The following B3GALT1 variants were observed in gnomAD, a reference collection of about 807,000 sequenced individuals.
The protein encoded by B3GALT1 is beta-1,3-galactosyltransferase 1.
In B3GALT1, 10 loss-of-function variants were observed where a neutral mutation model predicts 23.2. That is an observed-to-expected ratio of 0.43 (90% CI 0.27 to 0.73). B3GALT1 has a LOEUF of 0.73. B3GALT1 is among the 30% of genes least tolerant of loss of function. The pLI, the probability that B3GALT1 is intolerant of heterozygous loss-of-function variation, is 0.21. For missense variants in B3GALT1, 299 were observed against 405.4 expected (o/e 0.74, Z 2.25); for synonymous variants, 156 against 141.5 (o/e 1.10, Z -0.73).
intron 3 of B3GALT1, among the ~76,000 whole-genome samples, chr2:167,804,274 G>A (rs1016846286): frequency 6.6e-6 from 1 of 151,896 alleles, no homozygotes; most frequent in Non-Finnish European, 1.5e-5. Context: ...ACAGGCATGA[G>A]CCACCATGCC....
intron 1 of B3GALT1, among the ~76,000 whole-genome samples, chr2:167,385,266 T>C (rs1001360338): frequency 6.6e-6 from 1 of 152,126 alleles, no homozygotes; most frequent in Non-Finnish European, 1.5e-5. Context: ...CAACTCTCTT[T>C]TAACATTCTG....
At position 167,870,067 on chromosome 2, in the gene B3GALT1, G is replaced by A. The variant is rs568000916; in HGVS notation, c.*47G>A. The A allele has an allele frequency of 2.5e-5, 37 of 1,507,010 alleles. No individual in the cohort carries two copies. In the South Asian group the frequency reaches 4.6e-4, roughly 19 times the overall value. 93.4% of individuals were successfully genotyped at this position (1,507,010 alleles called of 1,614,324 possible). ...GTTTCTTTTCTTTTTTTAAGAAATG[G>A]GACCTAAGGTGTTGGTATTTTCCAG... On this transcript the variant is annotated 3_prime_UTR_variant, in exon 5 of 5. Transcript: ENST00000392690.
intron 1 of B3GALT1, among the ~76,000 whole-genome samples, chr2:167,332,931 C>T (rs1233653430): frequency 6.6e-6 from 1 of 152,218 alleles, no homozygotes; most frequent in Non-Finnish European, 1.5e-5. Flanking sequence ...GGTGTCTGCA[C>T]TGTGCAGATA....
chr2:167,408,085 T>C (rs1698332700), intron 1 of B3GALT1, among the ~76,000 whole-genome samples: 1 of 144,030 alleles, frequency 6.9e-6, no homozygotes. Context: ...CACACAAAAC[T>C]ACAGGCCAAT....
intron 2 of B3GALT1, among the ~76,000 whole-genome samples, chr2:167,561,076 T>C (rs1294065663): frequency 1.3e-5 from 2 of 152,052 alleles, no homozygotes; most frequent in African/African-American, 4.8e-5. Context: ...CCTCAGCAAA[T>C]GTAAAAGAAC....
chr2:167,365,585 TACAC>T (rs10683932), intron 1 of B3GALT1, among the ~76,000 whole-genome samples: 3,227 of 140,398 alleles, frequency 0.023, 66 homozygotes, highest in African/African-American at 0.053. Flanking sequence ...GAGATACAAA[TACAC>T]ACACACACAC....
chr2:167,386,403 C>T (rs1258009706), intron 1 of B3GALT1, among the ~76,000 whole-genome samples: 1 of 152,026 alleles, frequency 6.6e-6, no homozygotes, highest in Non-Finnish European at 1.5e-5. Flanking sequence ...TGAAAACACA[C>T]AAAACAGTAG....
chr2:167,821,975 G>T (rs1267905798), intron 4 of B3GALT1, among the ~76,000 whole-genome samples: 2 of 152,188 alleles, frequency 1.3e-5, no homozygotes, highest in Non-Finnish European at 2.9e-5. Context: ...CCTTAATATA[G>T]TCTAGGCTTA....
At chr2:167,625,699 T>C (rs1685329001) in intron 2 of B3GALT1, among the ~76,000 whole-genome samples, 1 of 151,690 alleles carries the variant, frequency 6.6e-6, no homozygotes, top group Non-Finnish European at 1.5e-5. Flanking sequence ...CTATACTTTC[T>C]CTGCAATTTA....
intron 1 of B3GALT1, among the ~76,000 whole-genome samples, chr2:167,353,817 A>G (rs904238946): frequency 1.3e-5 from 2 of 152,136 alleles, no homozygotes; most frequent in South Asian, 2.1e-4. Flanking sequence ...TTTGTTGGTT[A>G]TCTGATACCT....
chr2:167,404,817 G>A (rs767297058), intron 1 of B3GALT1, among the ~76,000 whole-genome samples: 54 of 152,232 alleles, frequency 3.5e-4, no homozygotes, highest in Admixed American at 9.2e-4. Flanking sequence ...CACTCTGTGC[G>A]TGTATTCCTC....
intron 1 of B3GALT1, among the ~76,000 whole-genome samples, chr2:167,414,325 C>A (rs544553365): frequency 2.3e-4 from 35 of 152,140 alleles, no homozygotes; most frequent in Middle Eastern, 6.8e-3. Context: ...TGGCAGTTGA[C>A]TGACTATGTA....
chr2:167,750,012 G>A (rs2105285293), intron 3 of B3GALT1, among the ~76,000 whole-genome samples: 1 of 152,316 alleles, frequency 6.6e-6, no homozygotes, highest in African/African-American at 2.4e-5. Flanking sequence ...ATGAGAGTGT[G>A]TAAAACCCCT....
intron 3 of B3GALT1, among the ~76,000 whole-genome samples, chr2:167,744,150 G>C (rs1167716731): frequency 6.6e-6 from 1 of 152,092 alleles, no homozygotes; most frequent in Non-Finnish European, 1.5e-5. Flanking sequence ...GGCTTACTAT[G>C]TGAATAATTT....
At chr2:167,644,888 T>G (rs1257650256) in intron 2 of B3GALT1, among the ~76,000 whole-genome samples, 1 of 152,064 alleles carries the variant, frequency 6.6e-6, no homozygotes, top group Non-Finnish European at 1.5e-5. Flanking sequence ...TTTCCAGAAT[T>G]TGCCATATTG....
At chr2:167,485,873 C>T (rs1699620089) in intron 1 of B3GALT1, among the ~76,000 whole-genome samples, 1 of 152,150 alleles carries the variant, frequency 6.6e-6, no homozygotes, top group Admixed American at 6.5e-5. Context: ...TTAAAATTTA[C>T]TCTCAGGACA....
intron 1 of B3GALT1, among the ~76,000 whole-genome samples, chr2:167,393,087 A>C (rs1698041100): frequency 6.6e-6 from 1 of 152,062 alleles, no homozygotes; most frequent in African/African-American, 2.4e-5. Context: ...ACAAAAAATT[A>C]GCCAGACGTG....
At chr2:167,747,473 G>C (rs1687669992) in intron 3 of B3GALT1, among the ~76,000 whole-genome samples, 1 of 152,188 alleles carries the variant, frequency 6.6e-6, no homozygotes, top group African/African-American at 2.4e-5. Context: ...GCTTGAAAGA[G>C]ATTCAGAACT....
chr2:167,614,106 TAAC>T (rs1418553163), intron 2 of B3GALT1, among the ~76,000 whole-genome samples: 2 of 151,610 alleles, frequency 1.3e-5, no homozygotes, highest in African/African-American at 4.8e-5. Context: ...AGAGAAAAAT[TAAC>T]AAAATTACTA....
Sources: allele counts gnomAD v4.1 joint callset (sites outside exome capture counted in the v4.1 genomes callset), GRCh38; gene constraint gnomAD v4.1.1; transcripts MANE v1.5; gene names NCBI Gene and HGNC (gene_info 2026-07-23, HGNC 2026-07-21).